Variants in PLEKHG3 observed in about 807,000 individuals in gnomAD.
PLEKHG3 encodes the protein pleckstrin homology domain-containing family G member 3.
PLEKHG3 carries 62 observed loss-of-function variants against 94.9 expected under a neutral mutation model. That is an observed-to-expected ratio of 0.65 (90% CI 0.53 to 0.81). The LOEUF is 0.81. PLEKHG3 is among the 30% of genes least tolerant of loss of function. The probability of loss-of-function intolerance (pLI) is 0.00; values close to 1 mark genes in which losing one functional copy is unlikely to be tolerated. For synonymous variants in PLEKHG3, 614 were observed against 654.0 expected (o/e 0.94, Z 0.93); for missense variants, 1,461 against 1,619.3 (o/e 0.90, Z 1.68).
Position 64,721,389 on chromosome 14 carries a change from C to T in PLEKHG3, c.-39-6204C>T, listed in dbSNP as rs1156252805. The stretch of plus-strand genomic sequence containing the variant: ...GAGGGAACTTTCTGGACTTCAGTTG[C>T]AGGCCCAGGCTTTCTCCTGGAGTCC... On this transcript the variant is annotated intron_variant, in intron 1 of 16. Coordinates refer to ENST00000247226, the MANE Select transcript of PLEKHG3 (RefSeq NM_001308147.2). The surrounding 1 kb of genome is among the most constrained non-coding windows in gnomAD (Gnocchi z 4.3). 4.6e-5 allele frequency among the ~76,000 whole-genome samples: 7 copies of T among 152,174 alleles called. No homozygotes were observed. Among genetic ancestry groups the T allele is most frequent in the African/African-American group, 1.7e-4 (7 of 41,448 alleles).
In PLEKHG3 at chr14:64,717,260, C is replaced by T. The variant is rs2081184635; in HGVS notation, c.-39-10333C>T. ...AAAGGGGATGTGTTGGAGCTCTTCT[C>T]TTGCTGTATCACCTTCGAAGAAGAG... On this transcript the variant is annotated intron_variant, in intron 1 of 16. Coordinates refer to ENST00000247226, the MANE Select transcript of PLEKHG3 (RefSeq NM_001308147.2). This position sits in a 1 kb window ranked among gnomAD's most constrained non-coding sequence, Gnocchi z 4.7. Among the ~76,000 whole-genome samples the T allele has an allele frequency of 6.6e-6, 1 of 152,158 alleles. No individual in the cohort carries two copies. Among genetic ancestry groups the T allele is most frequent in the African/African-American group, 2.4e-5 (1 of 41,430 alleles).
rs531614639 is a variant in PLEKHG3, at chr14:64,741,273, G to A, written c.1756G>A (p.Ala586Thr). The A allele has an allele frequency of 5.6e-5, 91 of 1,613,876 alleles. No individual in the cohort carries two copies. The highest frequency in any genetic ancestry group is 7.2e-5 in the Non-Finnish European group (85 of 1,180,004). Residue 586 changes from alanine (A) to threonine (T), a missense_variant, in exon 16 of 17, where the codon GCC becomes ACC. Coordinates refer to ENST00000247226, the MANE Select transcript of PLEKHG3 (RefSeq NM_001308147.2). ...SSEEEEEMGG[A>T]AQEPESLLPP... ...CGAGGAGGAAGAAGAAATGGGAGGT[G>A]CCGCCCAGGAGCCTGAGAGCCTTCT...
In PLEKHG3 at chr14:64,716,982, AGG is replaced by A. The variant is rs2081176844; in HGVS notation, c.-39-10608_-39-10607del. 6.6e-6 allele frequency among the ~76,000 whole-genome samples: 1 copy of A among 152,042 alleles called. No individual in the cohort carries two copies. Among genetic ancestry groups the A allele is most frequent in the South Asian group, 2.1e-4 (1 of 4,820 alleles). ...GGCGTCTCTGGTGAGGCCCCTTAGT[AGG>A]GGAAGCGGGGAACATGGGGGATGGG... is the stretch of plus-strand genomic sequence containing the variant. On this transcript the variant is annotated intron_variant, in intron 1 of 16. Transcript: ENST00000247226. This position sits in a 1 kb window ranked among gnomAD's most constrained non-coding sequence, Gnocchi z 5.0.
In PLEKHG3 at chr14:64,722,539, G is replaced by GCAGGTGCCGTGTGGATT; in HGVS notation, c.-39-5052_-39-5036dup. The stretch of plus-strand genomic sequence containing the variant: ...CTGGCCACGAGGACTTTCCCTGTGT[G>GCAGGTGCCGTGTGGATT]CAGGTGCCGTGTGGATTCCTCCCCA... On this transcript the variant is annotated intron_variant, in intron 1 of 16. Coordinates refer to ENST00000247226, the MANE Select transcript of PLEKHG3 (RefSeq NM_001308147.2). The surrounding 1 kb of genome is among the most constrained non-coding windows in gnomAD (Gnocchi z 4.3). Among the ~76,000 whole-genome samples, 1 of 152,302 alleles carries GCAGGTGCCGTGTGGATT rather than the reference G, an allele frequency of 6.6e-6. No homozygotes were observed. Among genetic ancestry groups the GCAGGTGCCGTGTGGATT allele is most frequent in the South Asian group, 2.1e-4 (1 of 4,822 alleles).
In PLEKHG3 at chr14:64,730,910, G is replaced by A; in HGVS notation, c.678G>A (p.Lys226=). 1 of 1,613,112 alleles carries A rather than the reference G, an allele frequency of 6.2e-7. No individual in the cohort carries two copies. Among genetic ancestry groups the A allele is most frequent in the Non-Finnish European group, 8.5e-7 (1 of 1,179,986 alleles). Residue 226 remains lysine, a synonymous_variant, in exon 6 of 17, where the codon AAG becomes AAA. Coordinates refer to ENST00000247226, the MANE Select transcript of PLEKHG3 (RefSeq NM_001308147.2). The surrounding 1 kb of genome is among the most constrained non-coding windows in gnomAD (Gnocchi z 5.4). ...HSLPLGSYLL[K]PVQRILKYHL... ...TGCCCTTGGGCTCCTACCTGCTGAA[G>A]CCAGTCCAGCGCATCCTCAAGTACC... is the stretch of plus-strand genomic sequence containing the variant.
In PLEKHG3 at chr14:64,743,785, G is replaced by A. The variant is rs1266279368; in HGVS notation, c.*82G>A. ...TCCTTCCCCTCAAGCCTGGGCTCAT[G>A]GAGCCCCTGCCCAGGGCCCTCAGGT... On this transcript the variant is annotated 3_prime_UTR_variant, in exon 17 of 17. Transcript: ENST00000247226. The surrounding 1 kb of genome is among the most constrained non-coding windows in gnomAD (Gnocchi z 7.2). 1 of 1,418,816 alleles carries A rather than the reference G, an allele frequency of 7.0e-7. No homozygotes were observed. The highest frequency in any genetic ancestry group is 2.4e-5 in the East Asian group (1 of 41,550). The allele number at this position is 1,418,816 out of a possible 1,614,324, so 87.9% of individuals were successfully genotyped here. A position where few individuals can be genotyped will look rare whatever the true frequency, so the allele number is the denominator to read the frequency against.
Position 64,749,626 on chromosome 14 carries a change from A to C in PLEKHG3, c.*5923A>C, listed in dbSNP as rs781770174. On this transcript the variant is annotated 3_prime_UTR_variant, in exon 17 of 17. Transcript: ENST00000247226. This position sits in a 1 kb window ranked among gnomAD's most constrained non-coding sequence, Gnocchi z 4.7. Reference sequence around the variant, plus strand: ...TCCTCCACCTACCCCCTTCTTAGCCAGGTCTGGGCTAGGCTGCCCGCGCTT... The same window carrying C: ...TCCTCCACCTACCCCCTTCTTAGCCCGGTCTGGGCTAGGCTGCCCGCGCTT... 1.9e-6 allele frequency: 3 copies of C among 1,612,942 alleles called. No homozygotes were observed. The African/African-American group carries it at 4.0e-5, about 22-fold the overall frequency.
rs940142281 is a variant in PLEKHG3 at position 64,723,221 on chromosome 14, C to G, written c.-39-4372C>G. Among the ~76,000 whole-genome samples, 12 of 152,200 alleles carry G rather than the reference C, an allele frequency of 7.9e-5. No homozygotes were observed. Among genetic ancestry groups the G allele is most frequent in the Non-Finnish European group, 1.8e-4 (12 of 68,032 alleles). ...AGAAAAGAAACCTCCCTCTCTCCCC[C>G]TCTTCTGCCCCTGGATCCTTAAAGG... On this transcript the variant is annotated intron_variant, in intron 1 of 16. Coordinates refer to ENST00000247226, the MANE Select transcript of PLEKHG3 (RefSeq NM_001308147.2). The surrounding 1 kb of genome is among the most constrained non-coding windows in gnomAD (Gnocchi z 4.5).
At chr14:64,737,787 C>CG in intron 14 of PLEKHG3, 1 of 767,206 alleles carries the variant, frequency 1.3e-6, no homozygotes, top group African/African-American at 1.9e-5. Flanking sequence ...GAAGGCTCCC[C>CG]CCCCGCAGCT....
In PLEKHG3 at chr14:64,730,985, G is replaced by T. The variant is rs748520661; in HGVS notation, c.717+36G>T. On this transcript the variant is annotated intron_variant, in intron 6 of 16. Coordinates refer to ENST00000247226, the MANE Select transcript of PLEKHG3 (RefSeq NM_001308147.2). This position sits in a 1 kb window ranked among gnomAD's most constrained non-coding sequence, Gnocchi z 5.4. ...GGTCCTCCCAAGCACCTAGGGCCTGGGGAGGGCAGGGCCTTCGGGTCAGGG... is the reference window on the plus strand; with the variant it reads ...GGTCCTCCCAAGCACCTAGGGCCTGTGGAGGGCAGGGCCTTCGGGTCAGGG... The T allele has an allele frequency of 2.5e-5, 41 of 1,613,566 alleles. No homozygotes were observed. Among genetic ancestry groups the T allele is most frequent in the Non-Finnish European group, 3.5e-5 (41 of 1,180,002 alleles).
intron 15 of PLEKHG3, among the ~76,000 whole-genome samples, 199 bp from the exon 16 acceptor site, chr14:64,740,837 T>G (rs1407935204): frequency 6.6e-6 from 1 of 152,226 alleles, no homozygotes; most frequent in Non-Finnish European, 1.5e-5. Flanking sequence ...GCACCCCCAC[T>G]GTACGGTGAC....
chr14:64,723,779 G>A lies in PLEKHG3; in HGVS notation c.-39-3814G>A, dbSNP rs1163780921. On this transcript the variant is annotated intron_variant, in intron 1 of 16. Transcript: ENST00000247226. The surrounding 1 kb of genome is among the most constrained non-coding windows in gnomAD (Gnocchi z 4.5). ...GCCTCCCACAGTGCTGGGATTACAG[G>A]CGTGAGCCATCATGCCTGGCCGAGA... is the stretch of plus-strand genomic sequence containing the variant. 2.0e-5 allele frequency: 3 copies of A among 152,282 alleles called. No individual in the cohort carries two copies. The highest frequency in any genetic ancestry group is 4.4e-5 in the Non-Finnish European group (3 of 68,100). The allele number at this position is 152,282 out of a possible 1,614,324, so 9.4% of individuals were successfully genotyped here.
At chr14:64,706,843 C>T (rs879342198) in intron 1 of PLEKHG3, among the ~76,000 whole-genome samples, 1 of 152,264 alleles carries the variant, frequency 6.6e-6, no homozygotes, top group Non-Finnish European at 1.5e-5. Context: ...CTTCTCCCAG[C>T]TCCCAGAACC....
rs759046525 is a variant in PLEKHG3, at chr14:64,731,396, C to T, written c.885C>T (p.Pro295=). 8 of 1,613,966 alleles carry T rather than the reference C, an allele frequency of 5.0e-6. No individual in the cohort carries two copies. The highest frequency in any genetic ancestry group is 4.5e-5 in the East Asian group (2 of 44,860). Reference sequence around the variant, plus strand: ...CACTCCTCATCAACTGGAAGGGGCCCGACCTGACCACCTACGGGGAGCTTG... The same window carrying T: ...CACTCCTCATCAACTGGAAGGGGCCTGACCTGACCACCTACGGGGAGCTTG... ...IQSLLINWKG[P]DLTTYGELVL... The change falls in exon 8 of 17, where the codon CCC becomes CCT. Residue 295 remains proline, a synonymous_variant. Coordinates refer to ENST00000247226, the MANE Select transcript of PLEKHG3 (RefSeq NM_001308147.2). The surrounding 1 kb of genome is among the most constrained non-coding windows in gnomAD (Gnocchi z 6.1).
intron 1 of PLEKHG3, among the ~76,000 whole-genome samples, chr14:64,711,925 A>C (rs1346771975): frequency 6.6e-6 from 1 of 152,222 alleles, no homozygotes; most frequent in African/African-American, 2.4e-5. Context: ...ACTCAGGTTC[A>C]TAAAGATTTA....
Position 64,743,050 on chromosome 14 carries a change from A to G in PLEKHG3, c.3007A>G (p.Lys1003Glu). The change falls in exon 17 of 17, where the codon AAG (lysine) becomes GAG (glutamate). Residue 1003 changes from lysine (K) to glutamate (E), a missense_variant. Around this residue, in one of 3 missense-constraint regions of PLEKHG3, gnomAD observed 1,201 missense variants for 1,295.5 expected, o/e 0.93. Transcript: ENST00000247226. This position sits in a 1 kb window ranked among gnomAD's most constrained non-coding sequence, Gnocchi z 7.2. The stretch of plus-strand genomic sequence containing the variant: ...GATGGCCCAGGAGCACAGCCCTCCC[A>G]AGCCCTCCTCGGCTGGGGAGATGTC... Reference protein sequence around the residue: ...QLMAQEHSPPKPSSAGEMSPQ... With the variant: ...QLMAQEHSPPEPSSAGEMSPQ... 6.2e-7 allele frequency: 1 copy of G among 1,612,766 alleles called. No homozygotes were observed. Among genetic ancestry groups the G allele is most frequent in the East Asian group, 2.2e-5 (1 of 44,876 alleles).
At position 64,732,832 on chromosome 14, in the gene PLEKHG3, C is replaced by T. The variant is rs773983219; in HGVS notation, c.1276C>T (p.Arg426Trp). The T allele has an allele frequency of 6.7e-5, 108 of 1,609,796 alleles. No individual in the cohort carries two copies. Among genetic ancestry groups the T allele is most frequent in the Non-Finnish European group, 8.0e-5 (94 of 1,178,470 alleles). The change falls in exon 12 of 17, where the codon CGG (arginine) becomes TGG (tryptophan). Residue 426 changes from arginine to tryptophan, a missense_variant. Arg to Trp is a moderately radical substitution (Grantham distance 101). Coordinates refer to ENST00000247226, the MANE Select transcript of PLEKHG3 (RefSeq NM_001308147.2). This position sits in a 1 kb window ranked among gnomAD's most constrained non-coding sequence, Gnocchi z 4.9. ...CAATCGGTACCGCTGCAGCCCAGAG[C>T]GGCTGAAGAAGGCTTGGTCCTCCCA... The part of the protein sequence containing the change: ...YPNRYRCSPE[R>W]LKKAWSSQDE...
rs550748862 is a variant in PLEKHG3 at position 64,743,415 on chromosome 14, G to A, written c.3372G>A (p.Pro1124=). 1.2e-5 allele frequency: 19 copies of A among 1,611,352 alleles called. No individual in the cohort carries two copies. Among genetic ancestry groups the A allele is most frequent in the Middle Eastern group, 1.7e-4 (1 of 6,056 alleles). ...QSPGPLPQSK[P]DGGETLYVTA... is the part of the protein sequence containing the mutation. ...CTGGGCCTCTGCCCCAGAGCAAGCC[G>A]GATGGAGGCGAGACCCTGTATGTCA... Residue 1124 remains proline (P), a synonymous_variant, in exon 17 of 17, where the codon CCG becomes CCA. Transcript: ENST00000247226. The surrounding 1 kb of genome is among the most constrained non-coding windows in gnomAD (Gnocchi z 7.2).
chr14:64,741,488 C>T lies in PLEKHG3; in HGVS notation c.1971C>T (p.Ala657=). 6.2e-7 allele frequency: 1 copy of T among 1,612,850 alleles called. No homozygotes were observed. The stretch of plus-strand genomic sequence containing the variant: ...AGGGCCTGGCCCGGCATGGCAGTGC[C>T]ACAGACTCCCTCAGCTGTCAGCTCT... The part of the protein sequence containing the change: ...SEKGLARHGS[A]TDSLSCQLSP... Residue 657 remains alanine, a synonymous_variant, in exon 16 of 17, where the codon GCC becomes GCT. Coordinates refer to ENST00000247226, the MANE Select transcript of PLEKHG3 (RefSeq NM_001308147.2).
Sources: allele counts gnomAD v4.1 joint callset (sites outside exome capture counted in the v4.1 genomes callset), GRCh38; gene constraint gnomAD v4.1.1; regional missense constraint gnomAD v4.1.1; non-coding constraint Gnocchi (gnomAD v3.1); transcripts MANE v1.5; gene names NCBI Gene and HGNC (gene_info 2026-07-23, HGNC 2026-07-21).